JAKMIP3: variants seen among roughly 807,000 people sequenced by gnomAD.
JAKMIP3 encodes janus kinase and microtubule-interacting protein 3.
A neutral mutation model predicts 118.5 loss-of-function variants in JAKMIP3; 58 were observed. The ratio of observed to expected loss-of-function variants is 0.49; its 90% CI spans 0.40 to 0.61. The LOEUF (loss-of-function observed/expected upper bound fraction) is 0.61, where lower values mean the gene tolerates loss of function less well. JAKMIP3 is among the 20% of genes least tolerant of loss of function. The pLI is 0.00. For synonymous variants in JAKMIP3, 486 were observed against 451.2 expected (o/e 1.08, Z -0.98); for missense variants, 950 against 1,109.0 (o/e 0.86, Z 2.04).
chr10:132,059,445 T>C (rs1281145980), intron 1 of JAKMIP3, among the ~76,000 whole-genome samples: 1 of 152,228 alleles, frequency 6.6e-6, no homozygotes, highest in Non-Finnish European at 1.5e-5. Flanking sequence ...GTTTGTATAT[T>C]TCTAACTTAA....
chr10:132,107,403 G>T (rs2046078870), intron 2 of JAKMIP3, among the ~76,000 whole-genome samples: 1 of 152,186 alleles, frequency 6.6e-6, no homozygotes, highest in Non-Finnish European at 1.5e-5. Flanking sequence ...AGGTTCCAGG[G>T]CCGGCGTCTG....
intron 11 of JAKMIP3, among the ~76,000 whole-genome samples, chr10:132,142,457 G>A (rs1353065169): frequency 1.3e-5 from 2 of 151,346 alleles, no homozygotes; most frequent in Middle Eastern, 6.8e-3. Context: ...CTCAAAGGCT[G>A]AGCTCACACA....
Position 132,042,937 on chromosome 10 carries a change from A to AT in JAKMIP3, c.-138+6199_-138+6200insT, listed in dbSNP as rs111844305. 1.3e-3 allele frequency among the ~76,000 whole-genome samples: 190 copies of AT among 148,540 alleles called. 1 individual carries two copies. The highest frequency in any genetic ancestry group is 4.4e-3 in the African/African-American group (180 of 40,472). ...AGACCCCATGTCTCAAAAAAAAAAA[A>AT]ACAAAAATTAGCGAGTTATGGTGGC... On this transcript the variant is annotated intron_variant, in intron 1 of 23. Coordinates refer to the JAKMIP3 transcript ENST00000657785.
intron 8 of JAKMIP3, 31 bp from the exon 9 acceptor site, chr10:132,138,088 C>T (rs1347555171): frequency 1.2e-6 from 2 of 1,604,084 alleles, no homozygotes; most frequent in African/African-American, 1.3e-5. Flanking sequence ...TGCTCTACCA[C>T]TTACACAACC....
chr10:132,142,929 A>G (rs2053837646), intron 11 of JAKMIP3, among the ~76,000 whole-genome samples: 1 of 151,888 alleles, frequency 6.6e-6, no homozygotes. Flanking sequence ...TGGGGGACGG[A>G]CCTCTTGGGG....
At chr10:132,158,399 C>T (rs1456719601) in intron 19 of JAKMIP3, among the ~76,000 whole-genome samples, 3 of 152,188 alleles carry the variant, frequency 2.0e-5, no homozygotes, top group Non-Finnish European at 4.4e-5. Flanking sequence ...TGTAGGTCTC[C>T]ACACACATTT....
In JAKMIP3 at chr10:132,182,568, C is replaced by T. The variant is rs2061589833; in HGVS notation, c.*1315C>T. The T allele has an allele frequency of 6.6e-6, 1 of 152,182 alleles. No homozygotes were observed. 9.4% of individuals were successfully genotyped at this position (152,182 alleles called of 1,614,324 possible). ...GTGTGTGTGTGTGCTCACTTGTGTG[C>T]ACAAGCATGCGTTTATGCATGTTTT... On this transcript the variant is annotated 3_prime_UTR_variant, in exon 24 of 24. Coordinates refer to ENST00000684848, the MANE Select transcript of JAKMIP3 (RefSeq NM_001323087.2).
chr10:132,180,647 G>A (rs1362686439), intron 23 of JAKMIP3, among the ~76,000 whole-genome samples: 5 of 25,830 alleles, frequency 1.9e-4, no homozygotes, highest in East Asian at 6.3e-3. Context: ...GCGTGTGTGC[G>A]TGTGCGTGTG....
chr10:132,139,380 ATGTGAGTGTATGAGTATGTGAGTG>A (rs1564948789), intron 9 of JAKMIP3, among the ~76,000 whole-genome samples: 1 of 104,218 alleles, frequency 9.6e-6, no homozygotes, highest in Non-Finnish European at 1.9e-5. Context: ...GTGTGTGAGT[ATGTGAGTGTATGAGTATGTGAGTG>A]TGTATGTGTG....
intron 2 of JAKMIP3, among the ~76,000 whole-genome samples, chr10:132,111,796 A>G (rs1390616508): frequency 6.6e-6 from 1 of 152,050 alleles, no homozygotes; most frequent in African/African-American, 2.4e-5. Context: ...ATATATTTAA[A>G]ATATTTTGAC....
At chr10:132,058,983 G>A (rs745401353) in intron 1 of JAKMIP3, among the ~76,000 whole-genome samples, 41 of 152,310 alleles carry the variant, frequency 2.7e-4, no homozygotes, top group South Asian at 8.3e-4. Flanking sequence ...TCACGCCACC[G>A]AGGACTGTCC....
chr10:132,050,016 A>G (rs887947742), intron 1 of JAKMIP3, among the ~76,000 whole-genome samples: 5 of 152,170 alleles, frequency 3.3e-5, no homozygotes, highest in African/African-American at 1.2e-4. Context: ...GTTCATGGTC[A>G]TATTTTGTCT....
At position 132,105,244 on chromosome 10, in the gene JAKMIP3, C is replaced by T. The variant is rs947166849; in HGVS notation, c.135+301C>T. Among the ~76,000 whole-genome samples the T allele has an allele frequency of 1.1e-4, 17 of 152,364 alleles. No individual in the cohort carries two copies. In the East Asian group the frequency reaches 2.9e-3, roughly 26 times the overall value. On this transcript the variant is annotated intron_variant, in intron 2 of 23. Coordinates refer to ENST00000684848, the MANE Select transcript of JAKMIP3 (RefSeq NM_001323087.2). The stretch of plus-strand genomic sequence containing the variant: ...GCCGCAGGGCCTTGGGGTCTGTGTC[C>T]AGTGGTGCCATACCTGGAAAGGACG...
At chr10:132,038,841 C>T (rs894157869) in intron 1 of JAKMIP3, among the ~76,000 whole-genome samples, 1 of 150,026 alleles carries the variant, frequency 6.7e-6, no homozygotes, top group African/African-American at 2.4e-5. Flanking sequence ...GCATGTATGG[C>T]AGGCTCTGTT....
Position 132,147,942 on chromosome 10 carries a change from T to A in JAKMIP3, c.1750-10T>A. 1 of 1,588,338 alleles carries A rather than the reference T, an allele frequency of 6.3e-7. No homozygotes were observed. The highest frequency in any genetic ancestry group is 2.3e-5 in the East Asian group (1 of 44,318). Reference sequence around the variant, plus strand: ...CAGACCCCTCACCTCATGCATCTTTTATGTTGCAGATCAAACAAATGGAGA... The same window carrying A: ...CAGACCCCTCACCTCATGCATCTTTAATGTTGCAGATCAAACAAATGGAGA... On this transcript the variant is annotated splice_polypyrimidine_tract_variant and intron_variant, in intron 13 of 23. Transcript: ENST00000684848.
chr10:132,117,062 G>T lies in JAKMIP3; in HGVS notation c.136-15G>T, dbSNP rs374331637. Reference sequence around the variant, plus strand: ...TGGAGCTCCTGCCACACTCAGTCTCGCTGTTGTCTTTCAGGTCAGCAAAGT... The same window carrying T: ...TGGAGCTCCTGCCACACTCAGTCTCTCTGTTGTCTTTCAGGTCAGCAAAGT... On this transcript the variant is annotated splice_polypyrimidine_tract_variant and intron_variant, in intron 2 of 23. Coordinates refer to ENST00000684848, the MANE Select transcript of JAKMIP3 (RefSeq NM_001323087.2). The surrounding 1 kb of genome is among the most constrained non-coding windows in gnomAD (Gnocchi z 8.6). 14 of 1,594,936 alleles carry T rather than the reference G, an allele frequency of 8.8e-6. No individual in the cohort carries two copies. Among genetic ancestry groups the T allele is most frequent in the African/African-American group, 4.0e-5 (3 of 74,708 alleles).
At chr10:132,108,973 A>ACGCAAATG (rs2046354963) in intron 2 of JAKMIP3, among the ~76,000 whole-genome samples, 2 of 143,652 alleles carry the variant, frequency 1.4e-5, no homozygotes, top group Non-Finnish European at 3.0e-5. Context: ...TATATAAATT[A>ACGCAAATG]TATACGCAAA....
chr10:132,067,719 GTGGACTCTGGGCTTCCATGTGGAC>G lies in JAKMIP3; in HGVS notation c.-138+1665_-138+1688del, dbSNP rs1186878088. 3.4e-5 allele frequency among the ~76,000 whole-genome samples: 5 copies of G among 146,084 alleles called. No individual in the cohort carries two copies. In the South Asian group the frequency reaches 6.6e-4, roughly 19 times the overall value. On this transcript the variant is annotated intron_variant, in intron 1 of 23. Transcript: ENST00000684848. ...TTCCGTGTGGACTGTGGGCTTCCGT[GTGGACTCTGGGCTTCCATGTGGAC>G]TGGACTGTGGGCTTCCGTGTGGACT...
chr10:132,059,686 C>T (rs1490626557), upstream of JAKMIP3, among the ~76,000 whole-genome samples: 2 of 152,180 alleles, frequency 1.3e-5, no homozygotes, highest in Non-Finnish European at 2.9e-5. Flanking sequence ...GTGGTTGTGG[C>T]GAGGGCCCCA....
Sources: allele counts gnomAD v4.1 joint callset (sites outside exome capture counted in the v4.1 genomes callset), GRCh38; gene constraint gnomAD v4.1.1; non-coding constraint Gnocchi (gnomAD v3.1); transcripts MANE v1.5; gene names NCBI Gene and HGNC (gene_info 2026-07-23, HGNC 2026-07-21).